The following LIPA variants were observed in gnomAD, a reference collection of about 807,000 sequenced individuals.
LIPA encodes lipase A, lysosomal acid type, also known as lysosomal acid lipase/cholesteryl ester hydrolase.
LIPA carries 26 observed loss-of-function variants against 40.6 expected under a neutral mutation model. The ratio of observed to expected loss-of-function variants is 0.64; its 90% CI spans 0.47 to 0.89. The LOEUF (loss-of-function observed/expected upper bound fraction) is 0.89, where lower values mean the gene tolerates loss of function less well. Among genes scored for constraint, LIPA ranks in the 40% least tolerant of loss-of-function variants. The probability of loss-of-function intolerance (pLI) is 0.00; values close to 1 mark genes in which losing one functional copy is unlikely to be tolerated. For missense variants in LIPA, 455 were observed against 479.6 expected (o/e 0.95, Z 0.48); for synonymous variants, 188 against 168.4 (o/e 1.12, Z -0.90).
At chr10:89,373,062 G>A (rs772218034) in intron 2 of LIPA, among the ~76,000 whole-genome samples, 21 of 152,092 alleles carry the variant, frequency 1.4e-4, no homozygotes, top group Non-Finnish European at 2.6e-4. Flanking sequence ...GGCCGGACGC[G>A]GTGGCTCACG....
chr10:89,383,521 G>A (rs745398239), intron 2 of LIPA: 1 of 1,614,176 alleles, frequency 6.2e-7, no homozygotes, highest in African/African-American at 1.3e-5. Flanking sequence ...CCAGAATGAG[G>A]AAGCCCTGGT....
intron 2 of LIPA, among the ~76,000 whole-genome samples, chr10:89,407,330 C>T (rs1056267383): frequency 6.6e-6 from 1 of 152,202 alleles, no homozygotes; most frequent in South Asian, 2.1e-4. Flanking sequence ...AGTCCCGCTT[C>T]TAAAAACCAC....
At chr10:89,250,347 C>T (rs1240197318) in intron 1 of LIPA, among the ~76,000 whole-genome samples, 2 of 152,092 alleles carry the variant, frequency 1.3e-5, no homozygotes, top group Non-Finnish European at 2.9e-5. Flanking sequence ...TCGTGATCCG[C>T]CGGCCTCGGC....
chr10:89,315,459 C>T (rs912713897), intron 1 of LIPA, among the ~76,000 whole-genome samples: 1 of 152,124 alleles, frequency 6.6e-6, no homozygotes, highest in African/African-American at 2.4e-5. Flanking sequence ...CTGCTTTGTG[C>T]AGCTACAGGA....
At chr10:89,349,572 T>C (rs1033670786) in intron 2 of LIPA, among the ~76,000 whole-genome samples, 7 of 152,184 alleles carry the variant, frequency 4.6e-5, no homozygotes, top group African/African-American at 1.7e-4. Context: ...GGGATGTAGA[T>C]TCAGGCTGTC....
chr10:89,361,960 A>G lies in LIPA; in HGVS notation c.61+50831T>C, dbSNP rs1282353956. On this transcript the variant is annotated intron_variant, in intron 2 of 8. Coordinates refer to the LIPA transcript ENST00000371837. ...GTCACCCTGGCTGGAGGGCAGTGGTATGATCACAGCTCACTGCAGCCTCAA... is the reference window on the plus strand; with the variant it reads ...GTCACCCTGGCTGGAGGGCAGTGGTGTGATCACAGCTCACTGCAGCCTCAA... 3.2e-5 allele frequency among the ~76,000 whole-genome samples: 4 copies of G among 124,376 alleles called. No homozygotes were observed. In the East Asian group the frequency reaches 9.6e-4, roughly 30 times the overall value. 81.6% of individuals were successfully genotyped at this position (124,376 alleles called of 152,430 possible).
chr10:89,354,487 C>T (rs1051868171), intron 2 of LIPA, among the ~76,000 whole-genome samples: 1 of 151,942 alleles, frequency 6.6e-6, no homozygotes, highest in Non-Finnish European at 1.5e-5. Flanking sequence ...TTGACAGACA[C>T]AAGACTAGTC....
intron 1 of LIPA, chr10:89,338,861 C>A: frequency 6.2e-7 from 1 of 1,614,116 alleles, no homozygotes; most frequent in Non-Finnish European, 8.5e-7. Context: ...AACAACGAGG[C>A]AGCCCTGGAA....
chr10:89,313,712 G>A (rs1226711324), intron 1 of LIPA, among the ~76,000 whole-genome samples: 2 of 152,200 alleles, frequency 1.3e-5, no homozygotes, highest in Admixed American at 6.5e-5. Flanking sequence ...ACAAAAATAA[G>A]TGAAGTACTT....
chr10:89,278,718 A>G (rs768922386), intron 1 of LIPA, among the ~76,000 whole-genome samples: 10 of 152,158 alleles, frequency 6.6e-5, no homozygotes, highest in Non-Finnish European at 1.3e-4. Flanking sequence ...TTGAATTGTG[A>G]AAAATGTAAA....
intron 1 of LIPA, among the ~76,000 whole-genome samples, chr10:89,274,318 G>GA (rs1295447979): frequency 6.6e-6 from 1 of 152,198 alleles, no homozygotes; most frequent in Non-Finnish European, 1.5e-5. Flanking sequence ...AAATGATAAA[G>GA]AAAAACTTAT....
At chr10:89,361,764 A>G (rs1844022928) in intron 2 of LIPA, among the ~76,000 whole-genome samples, 1 of 151,950 alleles carries the variant, frequency 6.6e-6, no homozygotes, top group Admixed American at 6.6e-5. Context: ...GGACAGCACC[A>G]AACACTTGGC....
chr10:89,326,736 TA>T (rs1344471949), intron 1 of LIPA, among the ~76,000 whole-genome samples: 1 of 152,124 alleles, frequency 6.6e-6, no homozygotes, highest in Non-Finnish European at 1.5e-5. Context: ...TTAAAAATAA[TA>T]AGAATTGGCT....
chr10:89,392,559 C>T, intron 2 of LIPA: 2 of 605,062 alleles, frequency 3.3e-6, no homozygotes, highest in Non-Finnish European at 2.8e-6. Flanking sequence ...AGGACACACC[C>T]ACAGCTTACA....
At chr10:89,305,823 A>G (rs952793576) in intron 1 of LIPA, 2 of 654,996 alleles carry the variant, frequency 3.1e-6, no homozygotes, top group Non-Finnish European at 5.3e-6. Context: ...GGAAAAACAT[A>G]TTATAGAAAG....
chr10:89,383,666 T>C, intron 2 of LIPA: 1 of 1,614,242 alleles, frequency 6.2e-7, no homozygotes, highest in Non-Finnish European at 8.5e-7. Context: ...CAGACTTACC[T>C]GGACAAGGTG....
At chr10:89,218,861 G>T (rs1374719219) in intron 8 of LIPA, among the ~76,000 whole-genome samples, 1 of 152,120 alleles carries the variant, frequency 6.6e-6, no homozygotes, top group African/African-American at 2.4e-5. Context: ...GTATTTTGGG[G>T]TCTCTAATAC....
chr10:89,400,988 T>G (rs771547792), intron 2 of LIPA, among the ~76,000 whole-genome samples: 26 of 152,206 alleles, frequency 1.7e-4, no homozygotes, highest in African/African-American at 6.0e-4. Flanking sequence ...TTGAATTTTG[T>G]CAAATGCTTT....
chr10:89,252,016 G>C (rs969545040), upstream of LIPA: 4 of 152,286 alleles, frequency 2.6e-5, no homozygotes, highest in Non-Finnish European at 5.9e-5. Flanking sequence ...CCTCCGCCTC[G>C]CAGGCTGGCA....
Sources: gnomAD v4.1 joint callset for allele counts (sites outside exome capture counted in the v4.1 genomes callset) on GRCh38, gnomAD v4.1.1 for gene constraint, MANE v1.5 for transcripts, NCBI Gene and HGNC (gene_info 2026-07-23, HGNC 2026-07-21) for gene names.